The following SLC4A4 variants were observed in gnomAD, a reference collection of about 807,000 sequenced individuals.
SLC4A4 encodes the protein electrogenic sodium bicarbonate cotransporter 1.
SLC4A4 carries 27 observed loss-of-function variants against 111.5 expected under a neutral mutation model. That is an observed-to-expected ratio of 0.24 (90% CI 0.18 to 0.33). The LOEUF (loss-of-function observed/expected upper bound fraction) is 0.33, where lower values mean the gene tolerates loss of function less well. Among genes scored for constraint, SLC4A4 ranks in the 10% least tolerant of loss-of-function variants. The pLI is 1.00. For missense variants in SLC4A4, 909 were observed against 1,315.5 expected (o/e 0.69, Z 4.78); for synonymous variants, 443 against 463.4 (o/e 0.96, Z 0.57).
At chr4:71,497,236 A>G (rs952232556) in intron 15 of SLC4A4, among the ~76,000 whole-genome samples, 12 of 152,132 alleles carry the variant, frequency 7.9e-5, no homozygotes, top group Admixed American at 3.9e-4. Context: ...TGTGGTTTCT[A>G]TTGAACAAGT....
intron 6 of SLC4A4, among the ~76,000 whole-genome samples, chr4:71,395,381 G>A (rs1719725198): frequency 6.6e-6 from 1 of 152,152 alleles, no homozygotes; most frequent in Non-Finnish European, 1.5e-5. Context: ...TTATTAATGA[G>A]AATCAGAGAA....
chr4:71,425,204 A>G (rs946484532), intron 7 of SLC4A4, among the ~76,000 whole-genome samples: 2 of 152,072 alleles, frequency 1.3e-5, no homozygotes, highest in Non-Finnish European at 2.9e-5. Context: ...TCTCCAGAAG[A>G]TCATCGGAGA....
intron 7 of SLC4A4, among the ~76,000 whole-genome samples, chr4:71,408,953 T>C (rs1721115843): frequency 6.6e-6 from 1 of 152,216 alleles, no homozygotes; most frequent in Non-Finnish European, 1.5e-5. Context: ...ATTCTCATGA[T>C]AGTGAATAAG....
intron 7 of SLC4A4, among the ~76,000 whole-genome samples, chr4:71,426,146 C>A (rs534032502): frequency 6.6e-6 from 1 of 151,994 alleles, no homozygotes; most frequent in East Asian, 1.9e-4. Flanking sequence ...TCTTTTATTG[C>A]TACAAAAAGT....
At chr4:71,213,036 A>G (rs1233465119) in intron 1 of SLC4A4, among the ~76,000 whole-genome samples, 3 of 152,178 alleles carry the variant, frequency 2.0e-5, no homozygotes, top group African/African-American at 7.2e-5. Flanking sequence ...GGGTTTGTAG[A>G]TTAGGAGCAA....
intron 7 of SLC4A4, among the ~76,000 whole-genome samples, chr4:71,399,925 T>C (rs1720203166): frequency 6.6e-6 from 1 of 152,170 alleles, no homozygotes; most frequent in African/African-American, 2.4e-5. Context: ...AAGAAGAGCA[T>C]TTAAATATGG....
At chr4:71,562,634 C>G (rs1361951628) in intron 23 of SLC4A4, among the ~76,000 whole-genome samples, 2 of 151,386 alleles carry the variant, frequency 1.3e-5, no homozygotes, top group African/African-American at 4.8e-5. Flanking sequence ...TTATTTTGAG[C>G]CTATGTGTGT....
intron 2 of SLC4A4, among the ~76,000 whole-genome samples, chr4:71,095,998 A>G (rs1742534740): frequency 6.6e-6 from 1 of 152,156 alleles, no homozygotes; most frequent in Admixed American, 6.6e-5. Flanking sequence ...TAAAGTGGAG[A>G]GAAGGGTAAA....
intron 3 of SLC4A4, among the ~76,000 whole-genome samples, chr4:71,292,634 T>C (rs1246255529): frequency 6.6e-6 from 1 of 152,160 alleles, no homozygotes; most frequent in Non-Finnish European, 1.5e-5. Flanking sequence ...TTGTTCAAAT[T>C]GATACCTGAC....
At chr4:71,396,381 A>T (rs951415370) in intron 6 of SLC4A4, among the ~76,000 whole-genome samples, 3 of 152,216 alleles carry the variant, frequency 2.0e-5, no homozygotes, top group Non-Finnish European at 4.4e-5. Context: ...TTATATAGGC[A>T]TTAATTTATT....
intron 2 of SLC4A4, among the ~76,000 whole-genome samples, chr4:71,107,018 G>A (rs901408454): frequency 2.0e-5 from 3 of 151,626 alleles, no homozygotes; most frequent in Non-Finnish European, 2.9e-5. Context: ...CTATCTGTCT[G>A]TATTATTATT....
At chr4:71,496,394 A>G (rs778559879) in intron 15 of SLC4A4, among the ~76,000 whole-genome samples, 4 of 152,076 alleles carry the variant, frequency 2.6e-5, no homozygotes, top group Non-Finnish European at 4.4e-5. Context: ...GTAGTTAAAC[A>G]AGGATATGGT....
intron 2 of SLC4A4, among the ~76,000 whole-genome samples, chr4:71,164,749 C>T (rs1313913519): frequency 6.6e-6 from 1 of 152,094 alleles, no homozygotes. Flanking sequence ...AAGAAACTAT[C>T]ATCAGAGCGA....
intron 3 of SLC4A4, among the ~76,000 whole-genome samples, chr4:71,292,954 G>C (rs1397904139): frequency 6.9e-6 from 1 of 144,878 alleles, no homozygotes; most frequent in African/African-American, 2.6e-5. Flanking sequence ...TGATTCTCCT[G>C]CCTCAGCCTC....
chr4:71,298,006 C>T (rs1724945095), intron 3 of SLC4A4, among the ~76,000 whole-genome samples: 1 of 152,196 alleles, frequency 6.6e-6, no homozygotes, highest in African/African-American at 2.4e-5. Context: ...CTGCTTCTGC[C>T]ACTTAATAGT....
intron 15 of SLC4A4, among the ~76,000 whole-genome samples, chr4:71,490,859 T>C (rs926604276): frequency 8.6e-5 from 13 of 151,784 alleles, no homozygotes; most frequent in Admixed American, 6.6e-5. Context: ...GAAAAATTAG[T>C]TGGGCATGAT....
chr4:71,530,756 T>G (rs1294128747), intron 16 of SLC4A4, among the ~76,000 whole-genome samples: 3 of 152,152 alleles, frequency 2.0e-5, no homozygotes, highest in Admixed American at 1.3e-4. Context: ...CCTTGCCAAG[T>G]AATTTTCATT....
chr4:71,244,096 A>G (rs1720453075), intron 2 of SLC4A4, among the ~76,000 whole-genome samples: 2 of 152,210 alleles, frequency 1.3e-5, no homozygotes, highest in African/African-American at 4.8e-5. Context: ...TTTGATTCCT[A>G]CTGAAAAATA....
At chr4:71,320,160 G>A (rs1168238613) in intron 3 of SLC4A4, among the ~76,000 whole-genome samples, 4 of 151,994 alleles carry the variant, frequency 2.6e-5, no homozygotes, top group Admixed American at 1.3e-4. Context: ...GCAAGCAACA[G>A]CACTTCTTTA....
Sources: allele counts gnomAD v4.1 joint callset (sites outside exome capture counted in the v4.1 genomes callset), GRCh38; gene constraint gnomAD v4.1.1; transcripts MANE v1.5; gene names NCBI Gene and HGNC (gene_info 2026-07-23, HGNC 2026-07-21).